Variants in SP110 observed in about 807,000 individuals in gnomAD.
The protein encoded by SP110 is SP110 nuclear body protein.
A neutral mutation model predicts 92.7 loss-of-function variants in SP110; 62 were observed. The observed-to-expected ratio is 0.67, with a 90% CI of 0.55 to 0.83. SP110 has a LOEUF of 0.83. Among genes scored for constraint, SP110 ranks in the 40% least tolerant of loss-of-function variants. The pLI is 0.00. For missense variants in SP110, 793 were observed against 863.9 expected (o/e 0.92, Z 1.03); for synonymous variants, 273 against 305.3 (o/e 0.89, Z 1.10).
chr2:230,192,149 C>G (rs1359572334), intron 10 of SP110, among the ~76,000 whole-genome samples: 1 of 152,080 alleles, frequency 6.6e-6, no homozygotes, highest in Non-Finnish European at 1.5e-5. Context: ...ATAATAAGAG[C>G]TATTTATGAC....
At chr2:230,176,710 G>C (rs761909034) in intron 14 of SP110, 3 of 1,613,996 alleles carry the variant, frequency 1.9e-6, no homozygotes, top group South Asian at 1.1e-5. Flanking sequence ...TTGGAGGACA[G>C]AGCAAAAGTC....
chr2:230,202,902 T>C (rs2043323048), intron 8 of SP110, 174 bp from the exon 9 acceptor site: 5 of 657,884 alleles, frequency 7.6e-6, no homozygotes, highest in East Asian at 5.4e-5. Flanking sequence ...CTTCTTCTTA[T>C]GTGTACCTTT....
exon 1 of SP110, chr2:230,225,545 C>T (rs2046214968): frequency 1.1e-5 from 5 of 461,860 alleles, no homozygotes; most frequent in South Asian, 6.1e-5. Flanking sequence ...CTCAAAACAA[C>T]TTTGATCTGC....
intron 1 of SP110, 25 bp from the exon 2 acceptor site, chr2:230,216,953 A>C (rs1313213611): frequency 6.2e-7 from 1 of 1,609,384 alleles, no homozygotes; most frequent in Non-Finnish European, 8.5e-7. Context: ...ATGATAAAAA[A>C]TAGAAGCAAA....
At chr2:230,215,656 G>T (rs558940114) in intron 2 of SP110, among the ~76,000 whole-genome samples, 53 of 152,344 alleles carry the variant, frequency 3.5e-4, no homozygotes, top group Admixed American at 3.5e-3. Context: ...AATACGGCAA[G>T]AGAGAACTGA....
intron 2 of SP110, among the ~76,000 whole-genome samples, chr2:230,215,393 G>A (rs1031252323): frequency 6.6e-6 from 1 of 152,168 alleles, no homozygotes; most frequent in African/African-American, 2.4e-5. Context: ...AGGCACATTT[G>A]AGACGAGAGA....
chr2:230,177,680 C>T lies in SP110; in HGVS notation c.1448G>A (p.Gly483Glu), dbSNP rs534248634. ...ATTCCGAATGCACTTCACTGAGGAT[C>T]CTGTAAGAAAAAGCCCATTCTTGGA... is the stretch of plus-strand genomic sequence containing the variant. ...GILYKKKMKH[G>E]SSVKCIRNED... Residue 483 changes from glycine (G) to glutamate (E), a missense_variant and splice_region_variant, in exon 14 of 19, where the codon GGA (glycine) becomes GAA (glutamate). By Grantham distance (98) the Gly-to-Glu change is moderately conservative. Coordinates refer to ENST00000258381, the MANE Select transcript of SP110 (RefSeq NM_080424.4). 2 of 1,613,948 alleles carry T rather than the reference C, an allele frequency of 1.2e-6. No individual in the cohort carries two copies. The highest frequency in any genetic ancestry group is 1.3e-5 in the African/African-American group (1 of 74,914).
chr2:230,213,090 A>T, intron 3 of SP110, 63 bp from the exon 4 acceptor site: 1 of 1,526,154 alleles, frequency 6.6e-7, no homozygotes, highest in South Asian at 1.1e-5. Context: ...GGGGAAGGGG[A>T]TTTCTTAATA....
At chr2:230,224,079 A>C (rs760859479), upstream of SP110, among the ~76,000 whole-genome samples, 1 of 152,210 alleles carries the variant, frequency 6.6e-6, no homozygotes, top group Non-Finnish European at 1.5e-5. Context: ...TGGGAAATAG[A>C]ACTGAAATTT....
intron 17 of SP110, 26 bp from the exon 18 acceptor site, chr2:230,170,787 A>G (rs771675860): frequency 2.5e-6 from 4 of 1,613,330 alleles, no homozygotes; most frequent in Non-Finnish European, 3.4e-6. Context: ...ACCAGAGGTG[A>G]CGTTAGCACA....
At chr2:230,189,155 GC>G (rs1297949219) in intron 10 of SP110, among the ~76,000 whole-genome samples, 6 of 151,916 alleles carry the variant, frequency 3.9e-5, no homozygotes, top group Non-Finnish European at 8.8e-5. Context: ...CAAAGAACCA[GC>G]TTTTTGTTTA....
upstream of SP110, chr2:230,220,093 C>G (rs1004722439): frequency 1.3e-5 from 13 of 985,376 alleles, no homozygotes; most frequent in African/African-American, 2.1e-4. Flanking sequence ...CAGCCTCTCT[C>G]CACCTCCTCA....
At chr2:230,189,891 G>A (rs1482795317) in intron 10 of SP110, among the ~76,000 whole-genome samples, 2 of 152,288 alleles carry the variant, frequency 1.3e-5, no homozygotes, top group East Asian at 1.9e-4. Context: ...TTTTATGGCT[G>A]CATAGTGTTC....
chr2:230,167,273 ATTTTTT>A lies in SP110; in HGVS notation c.*1845_*1850del, dbSNP rs67471942. On this transcript the variant is annotated 3_prime_UTR_variant, in exon 19 of 19. Coordinates refer to ENST00000258381, the MANE Select transcript of SP110 (RefSeq NM_080424.4). ...CCACCTTGCCCAGCTAATTAAAAAGATTTTTTTTTTTTTTTTTTTGTAGAGATGAGG... is the reference window on the plus strand; with the variant it reads ...CCACCTTGCCCAGCTAATTAAAAAGATTTTTTTTTTTTTGTAGAGATGAGG... The A allele has an allele frequency of 1.4e-4, 18 of 129,918 alleles. No homozygotes were observed. The highest frequency in any genetic ancestry group is 2.3e-4 in the East Asian group (1 of 4,440). 8.0% of individuals were successfully genotyped at this position (129,918 alleles called of 1,614,324 possible). A position where few individuals can be genotyped will look rare whatever the true frequency, so the allele number is the denominator to read the frequency against.
At chr2:230,218,580 C>CATT (rs1298794504) in intron 1 of SP110, among the ~76,000 whole-genome samples, 2 of 152,114 alleles carry the variant, frequency 1.3e-5, no homozygotes, top group African/African-American at 2.4e-5. Context: ...TAGAACAATT[C>CATT]ATTATACAGC....
Position 230,169,059 on chromosome 2 carries a change from G to A in SP110, c.*65C>T, listed in dbSNP as rs201363371. 3 of 1,105,040 alleles carry A rather than the reference G, an allele frequency of 2.7e-6. 1 individual carries two copies. Among genetic ancestry groups the A allele is most frequent in the Non-Finnish European group, 4.2e-6 (3 of 717,574 alleles). 68.5% of individuals were successfully genotyped at this position (1,105,040 alleles called of 1,614,324 possible). On this transcript the variant is annotated 3_prime_UTR_variant, in exon 19 of 19. Transcript: ENST00000258381. The stretch of plus-strand genomic sequence containing the variant: ...ATCCCAGACTCACTGGCAATCAACA[G>A]TCCAAGCCAGGGTCCCATCAGCTGA...
chr2:230,187,455 G>C (rs1159253515), intron 10 of SP110, among the ~76,000 whole-genome samples: 1 of 152,112 alleles, frequency 6.6e-6, no homozygotes, highest in African/African-American at 2.4e-5. Context: ...TGTTTACTCT[G>C]ATGTTTATTT....
At chr2:230,169,329 G>T in intron 18 of SP110, 92 bp from the exon 19 acceptor site, 2 of 815,160 alleles carry the variant, frequency 2.5e-6, no homozygotes, top group Non-Finnish European at 4.3e-6. Context: ...TTGTTTTTGA[G>T]TCAGGGTCTT....
chr2:230,171,476 T>C (rs1045046923), intron 17 of SP110: 11 of 585,162 alleles, frequency 1.9e-5, no homozygotes, highest in Admixed American at 5.9e-5. Flanking sequence ...AGAAGCAACT[T>C]GCCCGGTATC....
Sources: allele counts gnomAD v4.1 joint callset (sites outside exome capture counted in the v4.1 genomes callset), GRCh38; gene constraint gnomAD v4.1.1; transcripts MANE v1.5; gene names NCBI Gene and HGNC (gene_info 2026-07-23, HGNC 2026-07-21).